Variants in ECHDC1 observed in about 807,000 individuals in gnomAD.
ECHDC1 encodes the protein ethylmalonyl-CoA decarboxylase.
Under a neutral mutation model 29.7 loss-of-function variants are expected in ECHDC1, and 29 were observed. The ratio of observed to expected loss-of-function variants is 0.98; its 90% CI spans 0.73 to 1.33. The LOEUF (loss-of-function observed/expected upper bound fraction) is 1.33. ECHDC1 is among the 40% of genes most tolerant of loss of function. The pLI is 0.00. For synonymous variants in ECHDC1, 126 were observed against 123.1 expected (o/e 1.02, Z -0.15); for missense variants, 328 against 350.0 (o/e 0.94, Z 0.50).
At chr6:127,318,022 T>A (rs997997239) in intron 3 of ECHDC1, 1 of 152,226 alleles carries the variant, frequency 6.6e-6, no homozygotes, top group Non-Finnish European at 1.5e-5. Context: ...CTTTTTCCTC[T>A]TAAATATAAT....
intron 3 of ECHDC1, among the ~76,000 whole-genome samples, chr6:127,320,696 T>C (rs934090502): frequency 1.5e-4 from 23 of 152,148 alleles, no homozygotes; most frequent in African/African-American, 5.6e-4. Context: ...TAAATATATT[T>C]TTTTCTATTT....
chr6:127,341,896 G>T (rs1224576914), intron 1 of ECHDC1, among the ~76,000 whole-genome samples: 1 of 152,164 alleles, frequency 6.6e-6, no homozygotes, highest in Non-Finnish European at 1.5e-5. Flanking sequence ...TCTGTATATC[G>T]CCTGTTTGTA....
At chr6:127,328,288 G>A (rs966377765) in intron 2 of ECHDC1, among the ~76,000 whole-genome samples, 3 of 152,130 alleles carry the variant, frequency 2.0e-5, no homozygotes, top group African/African-American at 7.2e-5. Context: ...TTAAAATAGA[G>A]CTAAAAAATT....
At chr6:127,332,782 T>C (rs1784078607) in intron 1 of ECHDC1, among the ~76,000 whole-genome samples, 1 of 152,080 alleles carries the variant, frequency 6.6e-6, no homozygotes, top group Admixed American at 6.5e-5. Context: ...AGGGATGACT[T>C]GCTTTTTGGG....
intron 1 of ECHDC1, among the ~76,000 whole-genome samples, chr6:127,339,196 G>C (rs186305380): frequency 2.3e-3 from 352 of 151,238 alleles, no homozygotes; most frequent in Middle Eastern, 6.8e-3. Context: ...TTGTTGACAA[G>C]TCTGGCAGCT....
intron 1 of ECHDC1, among the ~76,000 whole-genome samples, chr6:127,342,016 T>A (rs1399750906): frequency 1.3e-5 from 2 of 152,256 alleles, no homozygotes; most frequent in East Asian, 3.8e-4. Flanking sequence ...AACTTTCAGT[T>A]CCTGAAATCC....
chr6:127,315,523 A>G (rs960082325), intron 4 of ECHDC1: 6 of 217,154 alleles, frequency 2.8e-5, no homozygotes, highest in Admixed American at 1.1e-4. Context: ...TACAAGGTAA[A>G]TCTAAAATGT....
Position 127,333,666 on chromosome 6 carries a change from TACACACACACACACACACACACACACAC to T in ECHDC1, c.-2-2664_-2-2637del, listed in dbSNP as rs10523734. Among the ~76,000 whole-genome samples the T allele has an allele frequency of 1.6e-4, 21 of 128,140 alleles. 1 individual carries two copies. In the East Asian group the frequency reaches 3.1e-3, roughly 19 times the overall value. 84.1% of individuals were successfully genotyped at this position (128,140 alleles called of 152,430 possible). On this transcript the variant is annotated intron_variant, in intron 1 of 5. Coordinates refer to ENST00000454859, the MANE Select transcript of ECHDC1 (RefSeq NM_001002030.2). ...CATATCAATCATACTCTCTTTCTCT[TACACACACACACACACACACACACACAC>T]ACACACACACACACACACACAGTTT...
Position 127,289,920 on chromosome 6 carries a change from AC to A in ECHDC1, c.854del (p.Gly285ValfsTer6). 6.2e-7 allele frequency: 1 copy of A among 1,613,370 alleles called. No homozygotes were observed. Reference protein sequence around the residue: ...NERDLLGTVWGGPANLEAIAK... With the variant: ...NERDLLGTVWXGPANLEAIAK... ...CAATAGCCTCTAAATTTGCAGGCCCACCCCAAACTGTTCCTAAAAGATCTCT... is the reference window on the plus strand; with the variant it reads ...CAATAGCCTCTAAATTTGCAGGCCCACCCAAACTGTTCCTAAAAGATCTCT... On this transcript the variant is annotated frameshift_variant, in exon 6 of 6. Coordinates refer to ENST00000454859, the MANE Select transcript of ECHDC1 (RefSeq NM_001002030.2). LOFTEE classifies it high-confidence loss of function.
At chr6:127,333,273 A>C (rs1037380998) in intron 1 of ECHDC1, among the ~76,000 whole-genome samples, 6 of 152,182 alleles carry the variant, frequency 3.9e-5, no homozygotes, top group Non-Finnish European at 8.8e-5. Context: ...TTATTTAGGA[A>C]TAATATAGGA....
At chr6:127,316,287 G>T (rs1315182223) in intron 4 of ECHDC1, 163 bp downstream of exon 4, 4 of 575,370 alleles carry the variant, frequency 7.0e-6, no homozygotes, top group Non-Finnish European at 1.2e-5. Context: ...TCATTAACAT[G>T]TAATTAAATG....
chr6:127,340,405 C>T (rs983070347), intron 1 of ECHDC1, among the ~76,000 whole-genome samples: 1 of 152,176 alleles, frequency 6.6e-6, no homozygotes, highest in African/African-American at 2.4e-5. Flanking sequence ...CTCCTCTCTG[C>T]AACCTAGGGC....
intron 5 of ECHDC1, among the ~76,000 whole-genome samples, chr6:127,302,527 G>C (rs558749076): frequency 4.7e-4 from 71 of 152,000 alleles, no homozygotes; most frequent in Non-Finnish European, 8.4e-4. Context: ...AGTCTCCTGA[G>C]TAGCTGGAAT....
rs141456294 is a variant in ECHDC1 at position 127,336,869 on chromosome 6, A to C, written c.-2-5839T>G. On this transcript the variant is annotated intron_variant, in intron 1 of 5. Transcript: ENST00000454859. ...TCAAATGTAAATATCAAGTTGCCTC[A>C]AAATCTCTTAGCTAGTGGAAGCAAC... Among the ~76,000 whole-genome samples the C allele has an allele frequency of 9.7e-4, 148 of 152,342 alleles. 1 individual carries two copies. The highest frequency in any genetic ancestry group is 1.5e-3 in the Non-Finnish European group (101 of 68,024).
At chr6:127,305,625 A>G (rs1342415578) in intron 5 of ECHDC1, among the ~76,000 whole-genome samples, 3 of 152,230 alleles carry the variant, frequency 2.0e-5, no homozygotes, top group African/African-American at 7.2e-5. Flanking sequence ...TAGACAGTAT[A>G]CAACAAAAAA....
chr6:127,296,831 C>T (rs952243047), intron 5 of ECHDC1, among the ~76,000 whole-genome samples: 3 of 151,910 alleles, frequency 2.0e-5, no homozygotes, highest in Non-Finnish European at 4.4e-5. Context: ...ATGACAAAAC[C>T]CCGTCTCTAC....
chr6:127,310,916 C>A (rs945269982), intron 5 of ECHDC1, among the ~76,000 whole-genome samples: 3 of 152,076 alleles, frequency 2.0e-5, no homozygotes, highest in African/African-American at 7.2e-5. Context: ...AGATTCCCCA[C>A]CAGATTACAT....
At chr6:127,304,655 A>G (rs1396074444) in intron 5 of ECHDC1, among the ~76,000 whole-genome samples, 1 of 152,196 alleles carries the variant, frequency 6.6e-6, no homozygotes, top group Non-Finnish European at 1.5e-5. Flanking sequence ...TCAAGATAAC[A>G]CAGAGGAGGA....
At chr6:127,302,461 G>A (rs867842992) in intron 5 of ECHDC1, among the ~76,000 whole-genome samples, 1 of 151,470 alleles carries the variant, frequency 6.6e-6, no homozygotes, top group East Asian at 1.9e-4. Context: ...GTGCAGTGCC[G>A]CCATCTCAGC....
Sources: gnomAD v4.1 joint callset for allele counts (sites outside exome capture counted in the v4.1 genomes callset) on GRCh38, gnomAD v4.1.1 for gene constraint, MANE v1.5 for transcripts, NCBI Gene and HGNC (gene_info 2026-07-23, HGNC 2026-07-21) for gene names.